Variants in MICU1 observed in about 807,000 individuals in gnomAD.
The protein encoded by MICU1 is mitochondrial calcium uptake 1, also known as calcium uptake protein 1, mitochondrial.
MICU1 carries 45 observed loss-of-function variants against 56.8 expected under a neutral mutation model. That is an observed-to-expected ratio of 0.79 (90% confidence interval 0.62 to 1.02). MICU1 has a LOEUF of 1.02. Ranked by LOEUF, MICU1 falls within the 50% of genes least tolerant of loss-of-function variation. The pLI, the probability that MICU1 is intolerant of heterozygous loss-of-function variation, is 0.00. For synonymous variants in MICU1, 186 were observed against 195.1 expected, an observed-to-expected ratio of 0.95 and a Z score of 0.39; for missense variants, 504 against 587.1, an observed-to-expected ratio of 0.86 and a Z score of 1.46.
At chr10:72,500,379 T>C (rs943962545) in intron 6 of MICU1, among the ~76,000 whole-genome samples, 4 of 142,530 alleles carry the variant, frequency 2.8e-5, no homozygotes, top group Non-Finnish European at 6.0e-5. Flanking sequence ...AGTGGCGTGA[T>C]CTCAGCTCAC....
intron 1 of MICU1, among the ~76,000 whole-genome samples, chr10:72,602,614 T>A (rs1841570216): frequency 6.6e-6 from 1 of 152,080 alleles, no homozygotes; most frequent in Non-Finnish European, 1.5e-5. Flanking sequence ...GCCAAGCTCT[T>A]CAAAGACTGA....
chr10:72,426,048 G>T (rs1473819741), intron 8 of MICU1, among the ~76,000 whole-genome samples: 2 of 150,988 alleles, frequency 1.3e-5, no homozygotes, highest in Non-Finnish European at 2.9e-5. Context: ...AACTTTTTTT[G>T]TTGTTGTTGT....
At chr10:72,604,435 A>G (rs1280621956) in intron 1 of MICU1, among the ~76,000 whole-genome samples, 1 of 151,972 alleles carries the variant, frequency 6.6e-6, no homozygotes, top group Non-Finnish European at 1.5e-5. Flanking sequence ...CACCATGCCC[A>G]GCTAATTTTG....
At chr10:72,440,921 G>A (rs532569543) in intron 8 of MICU1, among the ~76,000 whole-genome samples, 1 of 152,250 alleles carries the variant, frequency 6.6e-6, no homozygotes, top group South Asian at 2.1e-4. Context: ...AGAGGATGTG[G>A]AGAAATAGGA....
At position 72,607,183 on chromosome 10, in the gene MICU1, A is replaced by T. The variant is rs145613817; in HGVS notation, c.-2+18827T>A. On this transcript the variant is annotated intron_variant, in intron 1 of 11. Transcript: ENST00000361114. The stretch of plus-strand genomic sequence containing the variant: ...TGGTGAAACCCTGTCTCTTCTAAAA[A>T]TACAAAAATTAGCCGGGCGTCATGG... Among the ~76,000 whole-genome samples, 1,296 of 150,826 alleles carry T rather than the reference A, an allele frequency of 8.6e-3. 19 individuals are homozygous for T. Among genetic ancestry groups the T allele is most frequent in the African/African-American group, 0.03 (1,223 of 41,034 alleles).
At chr10:72,539,570 A>G (rs910885520) in intron 4 of MICU1, among the ~76,000 whole-genome samples, 4 of 152,188 alleles carry the variant, frequency 2.6e-5, no homozygotes, top group Admixed American at 6.5e-5. Flanking sequence ...TGTTTTTGCT[A>G]TGGAATATAC....
chr10:72,594,371 C>A (rs967315282), intron 1 of MICU1, among the ~76,000 whole-genome samples: 12 of 151,502 alleles, frequency 7.9e-5, no homozygotes, highest in Non-Finnish European at 3.0e-5. Context: ...AAAGTTGAAC[C>A]CTTACTTAAC....
At chr10:72,395,206 G>T (rs778707994) in intron 10 of MICU1, among the ~76,000 whole-genome samples, 1 of 151,832 alleles carries the variant, frequency 6.6e-6, no homozygotes, top group Non-Finnish European at 1.5e-5. Flanking sequence ...CAGTAGAGAC[G>T]GGGTTTCACC....
At chr10:72,500,675 T>A (rs1447843627) in intron 6 of MICU1, among the ~76,000 whole-genome samples, 1 of 152,128 alleles carries the variant, frequency 6.6e-6, no homozygotes, top group Non-Finnish European at 1.5e-5. Flanking sequence ...GTTTTCATGT[T>A]ATTAGCCCAC....
At chr10:72,447,801 C>G (rs1048103524) in intron 8 of MICU1, among the ~76,000 whole-genome samples, 14 of 152,018 alleles carry the variant, frequency 9.2e-5, no homozygotes, top group Non-Finnish European at 1.6e-4. Flanking sequence ...GAACAGAGGT[C>G]TATTATATTA....
At chr10:72,506,899 G>A (rs1180026302) in intron 6 of MICU1, among the ~76,000 whole-genome samples, 2 of 152,060 alleles carry the variant, frequency 1.3e-5, no homozygotes, top group Non-Finnish European at 2.9e-5. Context: ...CATTGCCAGG[G>A]TACTGCTCCA....
intron 1 of MICU1, among the ~76,000 whole-genome samples, chr10:72,625,061 T>C (rs759438507): frequency 2.0e-5 from 3 of 152,184 alleles, no homozygotes; most frequent in Non-Finnish European, 2.9e-5. Context: ...CAAACTCCTT[T>C]CTTATACTGC....
intron 1 of MICU1, among the ~76,000 whole-genome samples, chr10:72,611,193 C>T (rs1841836997): frequency 1.3e-5 from 2 of 151,780 alleles, no homozygotes; most frequent in Admixed American, 6.6e-5. Flanking sequence ...GTCCCAGCTA[C>T]TCGGGAGGCT....
intron 6 of MICU1, among the ~76,000 whole-genome samples, chr10:72,482,836 C>CAT (rs5786079): frequency 9.0e-4 from 131 of 144,764 alleles, no homozygotes; most frequent in Admixed American, 2.1e-3. Context: ...TATATATATA[C>CAT]ATATATATAT....
intron 5 of MICU1, among the ~76,000 whole-genome samples, chr10:72,513,052 G>A (rs1867530846): frequency 1.3e-5 from 2 of 152,092 alleles, no homozygotes; most frequent in African/African-American, 2.4e-5. Flanking sequence ...CGCACAGGAT[G>A]AAATGCAGTG....
At chr10:72,525,028 G>C (rs972144718) in intron 5 of MICU1, among the ~76,000 whole-genome samples, 1 of 151,678 alleles carries the variant, frequency 6.6e-6, no homozygotes, top group Non-Finnish European at 1.5e-5. Context: ...ATTAATATAG[G>C]CAATCAAATA....
intron 5 of MICU1, among the ~76,000 whole-genome samples, chr10:72,513,011 TTTTG>T (rs1020606810): frequency 6.6e-6 from 1 of 152,152 alleles, no homozygotes; most frequent in African/African-American, 2.4e-5. Flanking sequence ...GCTGGTTGTT[TTTTG>T]TTTAAGACAG....
At chr10:72,557,561 G>A (rs181332690) in intron 3 of MICU1, among the ~76,000 whole-genome samples, 1 of 152,258 alleles carries the variant, frequency 6.6e-6, no homozygotes, top group Admixed American at 6.5e-5. Flanking sequence ...GTGACCAGAA[G>A]ACATAATGTT....
intron 1 of MICU1, among the ~76,000 whole-genome samples, chr10:72,597,144 G>C (rs1333207834): frequency 6.6e-6 from 1 of 151,972 alleles, no homozygotes; most frequent in Non-Finnish European, 1.5e-5. Flanking sequence ...CACACTATAT[G>C]GCATTTTCCG....
Sources: allele counts gnomAD v4.1 joint callset (sites outside exome capture counted in the v4.1 genomes callset), GRCh38; gene constraint gnomAD v4.1.1; transcripts MANE v1.5; gene names NCBI Gene and HGNC (gene_info 2026-07-23, HGNC 2026-07-21).